Variants in PLXNA4 observed in about 807,000 individuals in gnomAD.
The protein encoded by PLXNA4 is plexin-A4.
Under a neutral mutation model 191.8 loss-of-function variants are expected in PLXNA4, and 44 were observed. The observed-to-expected ratio is 0.23, with a 90% CI of 0.18 to 0.29. The LOEUF (loss-of-function observed/expected upper bound fraction) is 0.29. Among genes scored for constraint, PLXNA4 ranks in the 10% least tolerant of loss-of-function variants. PLXNA4 has a pLI of 1.00. For missense variants in PLXNA4, 1,800 were observed against 2,488.8 expected (o/e 0.72, Z 5.89); for synonymous variants, 1,082 against 1,009.5 (o/e 1.07, Z -1.36).
At chr7:132,633,966 CCA>C (rs529094998) in intron 2 of PLXNA4, among the ~76,000 whole-genome samples, 1 of 151,430 alleles carries the variant, frequency 6.6e-6, no homozygotes, top group Admixed American at 6.6e-5. Flanking sequence ...CCACACTGCA[CCA>C]CACACACACA....
At chr7:132,551,507 C>T (rs372906250) in intron 1 of PLXNA4, among the ~76,000 whole-genome samples, 8 of 152,148 alleles carry the variant, frequency 5.3e-5, no homozygotes, top group African/African-American at 1.4e-4. Flanking sequence ...AAATGCCGGT[C>T]GTGTCCTACA....
intron 1 of PLXNA4, among the ~76,000 whole-genome samples, chr7:132,536,291 G>C (rs4731875): frequency 0.37 from 56,383 of 152,014 alleles, 12,190 homozygotes; most frequent in South Asian, 0.54. Context: ...TTTTCTTCCC[G>C]TCGTTCCCTA....
At chr7:132,404,204 A>G (rs1794116688) in intron 3 of PLXNA4, among the ~76,000 whole-genome samples, 1 of 152,190 alleles carries the variant, frequency 6.6e-6, no homozygotes, top group Non-Finnish European at 1.5e-5. Context: ...CTAACCCTCC[A>G]GGAGGCTGAT....
intron 3 of PLXNA4, among the ~76,000 whole-genome samples, chr7:132,412,780 T>A (rs1357727619): frequency 1.3e-5 from 2 of 152,140 alleles, no homozygotes; most frequent in African/African-American, 4.8e-5. Context: ...TAGGTGTTAT[T>A]CCAGAGAGCT....
intron 4 of PLXNA4, among the ~76,000 whole-genome samples, chr7:132,250,133 T>C (rs1799195743): frequency 1.3e-5 from 2 of 152,248 alleles, no homozygotes; most frequent in South Asian, 4.1e-4. Flanking sequence ...TCATCAAGCC[T>C]CTTTTTCCTC....
intron 25 of PLXNA4, among the ~76,000 whole-genome samples, chr7:132,152,934 A>G (rs1795688098): frequency 6.6e-6 from 1 of 152,188 alleles, no homozygotes; most frequent in Non-Finnish European, 1.5e-5. Flanking sequence ...CTCCACGCTC[A>G]CTCATTCATC....
intron 4 of PLXNA4, among the ~76,000 whole-genome samples, chr7:132,248,351 G>A (rs1562990527): frequency 6.6e-6 from 1 of 152,164 alleles, no homozygotes; most frequent in Non-Finnish European, 1.5e-5. Flanking sequence ...GCAGAGCCAT[G>A]GGTGTGAGGA....
intron 3 of PLXNA4, among the ~76,000 whole-genome samples, chr7:132,433,280 CT>C (rs1269962229): frequency 6.6e-6 from 1 of 152,218 alleles, no homozygotes; most frequent in Non-Finnish European, 1.5e-5. Context: ...TTGATGTCAC[CT>C]TTTGTCACAG....
intron 3 of PLXNA4, among the ~76,000 whole-genome samples, chr7:132,382,607 T>C (rs1804941750): frequency 6.6e-6 from 1 of 152,330 alleles, no homozygotes; most frequent in South Asian, 2.1e-4. Context: ...TGCAAATGGC[T>C]GCTACATCAT....
At chr7:132,523,533 G>A (rs548340001) in intron 1 of PLXNA4, among the ~76,000 whole-genome samples, 5 of 152,236 alleles carry the variant, frequency 3.3e-5, no homozygotes, top group Admixed American at 6.5e-5. Flanking sequence ...TGGGGTGGGA[G>A]AGAAGAGAGA....
chr7:132,397,022 T>C (rs1237278606), intron 3 of PLXNA4, among the ~76,000 whole-genome samples: 1 of 152,216 alleles, frequency 6.6e-6, no homozygotes, highest in Non-Finnish European at 1.5e-5. Context: ...CTCTGACAGC[T>C]GGCACAGGGA....
intron 3 of PLXNA4, among the ~76,000 whole-genome samples, chr7:132,389,364 T>C (rs1274329052): frequency 6.6e-6 from 1 of 152,236 alleles, no homozygotes; most frequent in African/African-American, 2.4e-5. Flanking sequence ...CTGAATGGTA[T>C]TGCCTAGGTT....
At chr7:132,194,203 C>T in intron 13 of PLXNA4, 24 bp from the exon 14 acceptor site, 1 of 1,603,658 alleles carries the variant, frequency 6.2e-7, no homozygotes. Flanking sequence ...AGGAGAAATC[C>T]CATGGGTCAC....
chr7:132,283,528 G>T (rs1396551553), intron 4 of PLXNA4, among the ~76,000 whole-genome samples: 1 of 152,192 alleles, frequency 6.6e-6, no homozygotes, highest in East Asian at 1.9e-4. Context: ...CTGAGAATCT[G>T]ATTGATGAAG....
chr7:132,568,748 AG>A (rs1801846922), intron 1 of PLXNA4, among the ~76,000 whole-genome samples: 1 of 152,356 alleles, frequency 6.6e-6, no homozygotes, highest in East Asian at 1.9e-4. Context: ...CGCAACTCTC[AG>A]GCAGATGCCC....
At chr7:132,212,231 T>C (rs1261475621) in intron 9 of PLXNA4, among the ~76,000 whole-genome samples, 1 of 152,176 alleles carries the variant, frequency 6.6e-6, no homozygotes, top group African/African-American at 2.4e-5. Context: ...TGTCATGGGC[T>C]CACCACCAAC....
chr7:132,501,063 A>T lies in PLXNA4; in HGVS notation c.1188+6443T>A, dbSNP rs552274442. On this transcript the variant is annotated intron_variant, in intron 2 of 31. Coordinates refer to ENST00000321063, the MANE Select transcript of PLXNA4 (RefSeq NM_020911.2). ...CATTGAACAAGAGGTCTGGCTTCCCATTTTGGCAGGGTTATCTCACACTGC... is the reference window on the plus strand; with the variant it reads ...CATTGAACAAGAGGTCTGGCTTCCCTTTTTGGCAGGGTTATCTCACACTGC... Among the ~76,000 whole-genome samples the T allele has an allele frequency of 3.3e-5, 5 of 151,790 alleles. No individual in the cohort carries two copies. In the South Asian group the frequency reaches 1.0e-3, roughly 32 times the overall value.
At chr7:132,439,405 A>C (rs79073797) in intron 3 of PLXNA4, among the ~76,000 whole-genome samples, 1 of 152,236 alleles carries the variant, frequency 6.6e-6, no homozygotes, top group Admixed American at 6.5e-5. Flanking sequence ...CACATTGTAC[A>C]TACATGTATA....
At chr7:132,137,847 A>T (rs1475515221) in intron 30 of PLXNA4, among the ~76,000 whole-genome samples, 1 of 150,806 alleles carries the variant, frequency 6.6e-6, no homozygotes, top group Non-Finnish European at 1.5e-5. Context: ...GGGTTAGAGG[A>T]TGGGTAAGAG....
Sources: gnomAD v4.1 joint callset for allele counts (sites outside exome capture counted in the v4.1 genomes callset) on GRCh38, gnomAD v4.1.1 for gene constraint, MANE v1.5 for transcripts, NCBI Gene and HGNC (gene_info 2026-07-23, HGNC 2026-07-21) for gene names.